The following ELMO1 variants were observed in gnomAD, a reference collection of about 807,000 sequenced individuals.
ELMO1 encodes the protein engulfment and cell motility 1.
Under a neutral mutation model 98.9 loss-of-function variants are expected in ELMO1, and 26 were observed. That is an observed-to-expected ratio of 0.26 (90% confidence interval 0.19 to 0.36). ELMO1 has a LOEUF of 0.36. Among genes scored for constraint, ELMO1 ranks in the 10% least tolerant of loss-of-function variants. The probability of loss-of-function intolerance (pLI) is 1.00; values close to 1 mark genes in which losing one functional copy is unlikely to be tolerated. For missense variants in ELMO1, 627 were observed against 935.2 expected, an observed-to-expected ratio of 0.67 and a Z score of 4.30; for synonymous variants, 346 against 346.0, an observed-to-expected ratio of 1.00 and a Z score of 0.00.
intron 14 of ELMO1, among the ~76,000 whole-genome samples, chr7:37,101,350 T>A (rs1784630440): frequency 6.6e-6 from 1 of 152,152 alleles, no homozygotes; most frequent in Non-Finnish European, 1.5e-5. Context: ...CTAAGTGAGT[T>A]ACAGAGAAAC....
intron 16 of ELMO1, among the ~76,000 whole-genome samples, chr7:37,010,933 C>T (rs1184255592): frequency 6.6e-6 from 1 of 151,174 alleles, no homozygotes; most frequent in African/African-American, 2.4e-5. Flanking sequence ...CTTGTCCTTC[C>T]CATCCTGGAT....
intron 16 of ELMO1, among the ~76,000 whole-genome samples, chr7:36,961,422 G>A (rs1299229672): frequency 2.0e-5 from 3 of 152,134 alleles, no homozygotes; most frequent in Non-Finnish European, 2.9e-5. Flanking sequence ...TTTCAGAAGT[G>A]ATATTAACAA....
At chr7:37,219,259 A>G (rs951049767) in intron 10 of ELMO1, among the ~76,000 whole-genome samples, 1 of 152,232 alleles carries the variant, frequency 6.6e-6, no homozygotes, top group Non-Finnish European at 1.5e-5. Context: ...GATGCAAAGG[A>G]AAAAACAGCA....
chr7:37,292,969 G>A lies in ELMO1; in HGVS notation c.193-21087C>T, dbSNP rs1177369022. On this transcript the variant is annotated intron_variant, in intron 4 of 21. Coordinates refer to ENST00000310758, the MANE Select transcript of ELMO1 (RefSeq NM_014800.11). Reference sequence around the variant, plus strand: ...CCGCCCCGTCCGGGAAGTGAGGGGCGCCTCTGCCCGGCCGCCCCTACTGGG... The same window carrying A: ...CCGCCCCGTCCGGGAAGTGAGGGGCACCTCTGCCCGGCCGCCCCTACTGGG... 7.3e-5 allele frequency among the ~76,000 whole-genome samples: 4 copies of A among 55,162 alleles called. 1 individual carries two copies. The highest frequency in any genetic ancestry group is 4.6e-4 in the Admixed American group (2 of 4,394). 36.2% of individuals were successfully genotyped at this position (55,162 alleles called of 152,430 possible).
intron 1 of ELMO1, among the ~76,000 whole-genome samples, chr7:37,418,073 C>G (rs1012025419): frequency 6.6e-6 from 1 of 152,054 alleles, no homozygotes; most frequent in African/African-American, 2.4e-5. Context: ...TTTAAGCCAC[C>G]CAGTTCATCA....
chr7:37,098,903 C>G lies in ELMO1; in HGVS notation c.1192-2176G>C, dbSNP rs535208865. ...AAGACAGAAGACAGGTAGTTTTCCT[C>G]GGCTCCCAGCTTCCAGCGAGCACAT... On this transcript the variant is annotated intron_variant, in intron 14 of 21. Transcript: ENST00000310758. 5.9e-5 allele frequency among the ~76,000 whole-genome samples: 9 copies of G among 152,268 alleles called. No homozygotes were observed. The South Asian group carries it at 1.2e-3, about 21-fold the overall frequency.
intron 15 of ELMO1, among the ~76,000 whole-genome samples, chr7:37,076,245 TC>T (rs1333056419): frequency 1.3e-5 from 2 of 152,182 alleles, no homozygotes; most frequent in Non-Finnish European, 2.9e-5. Context: ...TTATTTTTTT[TC>T]CTATTTCTTG....
At chr7:37,236,516 A>C (rs1794472848) in intron 7 of ELMO1, among the ~76,000 whole-genome samples, 1 of 152,230 alleles carries the variant, frequency 6.6e-6, no homozygotes, top group African/African-American at 2.4e-5. Flanking sequence ...GACAGATAGG[A>C]ATATATAATA....
intron 16 of ELMO1, among the ~76,000 whole-genome samples, chr7:36,918,388 T>C (rs1284580553): frequency 2.6e-5 from 4 of 152,174 alleles, no homozygotes; most frequent in Non-Finnish European, 4.4e-5. Context: ...TCTCTAATAA[T>C]TTTATAAGTG....
intron 20 of ELMO1, among the ~76,000 whole-genome samples, chr7:36,868,258 T>G (rs1307208117): frequency 6.6e-6 from 1 of 152,218 alleles, no homozygotes; most frequent in African/African-American, 2.4e-5. Context: ...CATTCCACGG[T>G]GATGGTTTGC....
chr7:37,370,330 C>A (rs1699385252), intron 1 of ELMO1, among the ~76,000 whole-genome samples: 1 of 148,650 alleles, frequency 6.7e-6, no homozygotes. Context: ...ACCTCCTTCT[C>A]CCCAGTATAT....
chr7:37,052,880 G>C (rs1431708589), intron 15 of ELMO1, among the ~76,000 whole-genome samples: 1 of 152,130 alleles, frequency 6.6e-6, no homozygotes, highest in Non-Finnish European at 1.5e-5. Context: ...CAACCCCCCA[G>C]GTCGTGTTTG....
At chr7:36,877,706 T>C (rs1454891337) in intron 19 of ELMO1, among the ~76,000 whole-genome samples, 1 of 152,244 alleles carries the variant, frequency 6.6e-6, no homozygotes, top group Non-Finnish European at 1.5e-5. Context: ...ATCAGGTTTG[T>C]ATTGTTTTTG....
chr7:37,188,420 A>G (rs1791345782), intron 13 of ELMO1, among the ~76,000 whole-genome samples: 1 of 41,058 alleles, frequency 2.4e-5, no homozygotes, highest in Non-Finnish European at 4.1e-5. Context: ...ACACACACAC[A>G]CACACACACA....
At chr7:37,261,460 G>A (rs1466904836) in intron 5 of ELMO1, among the ~76,000 whole-genome samples, 1 of 152,174 alleles carries the variant, frequency 6.6e-6, no homozygotes, top group Non-Finnish European at 1.5e-5. Flanking sequence ...GTCTGGGGTG[G>A]GGTCCCAAAA....
intron 4 of ELMO1, among the ~76,000 whole-genome samples, chr7:37,274,051 T>A (rs910819927): frequency 6.6e-6 from 1 of 152,220 alleles, no homozygotes; most frequent in Non-Finnish European, 1.5e-5. Flanking sequence ...CAGCCCAGTG[T>A]AGAGCATCCC....
At chr7:37,161,125 G>A (rs773468502) in intron 13 of ELMO1, among the ~76,000 whole-genome samples, 2 of 152,132 alleles carry the variant, frequency 1.3e-5, no homozygotes, top group African/African-American at 4.8e-5. Flanking sequence ...GGCAGCTGTC[G>A]ACTATGAGCT....
chr7:37,030,415 A>T (rs979135340), intron 15 of ELMO1, among the ~76,000 whole-genome samples: 1 of 149,812 alleles, frequency 6.7e-6, no homozygotes, highest in African/African-American at 2.5e-5. Context: ...ACACTTGCCA[A>T]TTCTCTAAAA....
At chr7:37,388,594 C>CT (rs1406627521) in intron 1 of ELMO1, among the ~76,000 whole-genome samples, 1 of 150,202 alleles carries the variant, frequency 6.7e-6, no homozygotes, top group Non-Finnish European at 1.5e-5. Flanking sequence ...ATGCTGCAGT[C>CT]ACTCCATGAT....
Sources: allele counts gnomAD v4.1 joint callset (sites outside exome capture counted in the v4.1 genomes callset), GRCh38; gene constraint gnomAD v4.1.1; transcripts MANE v1.5; gene names NCBI Gene and HGNC (gene_info 2026-07-23, HGNC 2026-07-21).